SAP30BP: variants seen among roughly 807,000 people sequenced by gnomAD.
SAP30BP encodes SAP30-binding protein.
Under a neutral mutation model 46.3 loss-of-function variants are expected in SAP30BP, and 31 were observed. The ratio of observed to expected loss-of-function variants is 0.67; its 90% confidence interval spans 0.50 to 0.90. The LOEUF is 0.90. Among genes scored for constraint, SAP30BP ranks in the 40% least tolerant of loss-of-function variants. The pLI, the probability that SAP30BP is intolerant of heterozygous loss-of-function variation, is 0.00. For missense variants in SAP30BP, 312 were observed against 391.0 expected (o/e 0.80, Z 1.70); for synonymous variants, 169 against 144.2 (o/e 1.17, Z -1.23).
chr17:75,702,410 C>G, intron 5 of SAP30BP, 70 bp from the exon 6 acceptor site: 1 of 639,804 alleles, frequency 1.6e-6, no homozygotes, highest in Non-Finnish European at 2.8e-6. Context: ...AGCTGGTGAC[C>G]AGGGGCTGGG....
chr17:75,688,557 C>T (rs981967942), intron 3 of SAP30BP, among the ~76,000 whole-genome samples: 4 of 151,972 alleles, frequency 2.6e-5, no homozygotes, highest in Non-Finnish European at 4.4e-5. Context: ...TAGATGCTGG[C>T]GGCTGCCTTT....
At chr17:75,705,726 G>T in intron 9 of SAP30BP, 1 of 1,204,942 alleles carries the variant, frequency 8.3e-7, no homozygotes, top group Non-Finnish European at 1.1e-6. Flanking sequence ...AACGGTTCTG[G>T]GCATGTGAGG....
At chr17:75,700,516 C>T (rs77813398) in intron 5 of SAP30BP, among the ~76,000 whole-genome samples, 3,695 of 152,274 alleles carry the variant, frequency 0.024, 57 homozygotes, top group Middle Eastern at 0.037. Context: ...TCCTGGACCA[C>T]CTGCTTCACC....
chr17:75,682,034 C>CT lies in SAP30BP; in HGVS notation c.264+10180dup, dbSNP rs934836700. 8.0e-5 allele frequency among the ~76,000 whole-genome samples: 12 copies of CT among 150,224 alleles called. 1 individual carries two copies. In the South Asian group the frequency reaches 1.1e-3, roughly 13 times the overall value. ...TGAGCTCTCAGAGCTTAAGCTTGGA[C>CT]TTTTTTTTTAATGGACAGAGTTATT... is the stretch of plus-strand genomic sequence containing the variant. On this transcript the variant is annotated intron_variant, in intron 3 of 10. Transcript: ENST00000584667.
chr17:75,698,716 A>C (rs1314332766), intron 4 of SAP30BP, among the ~76,000 whole-genome samples: 5 of 152,100 alleles, frequency 3.3e-5, no homozygotes, highest in Admixed American at 3.3e-4. Context: ...TATTGTGTAC[A>C]TCTCTTCCCA....
intron 4 of SAP30BP, among the ~76,000 whole-genome samples, chr17:75,694,045 CT>C (rs879539873): frequency 6.6e-6 from 1 of 152,160 alleles, no homozygotes; most frequent in Non-Finnish European, 1.5e-5. Flanking sequence ...CCCCCAGCTC[CT>C]TTCACGTGGC....
At chr17:75,677,432 C>CTTT (rs35570298) in intron 3 of SAP30BP, among the ~76,000 whole-genome samples, 4 of 118,302 alleles carry the variant, frequency 3.4e-5, no homozygotes, top group South Asian at 2.7e-4. Flanking sequence ...GTGAAACTGG[C>CTTT]TTTTTTTTTT....
chr17:75,680,842 C>G (rs1680370857), intron 3 of SAP30BP, among the ~76,000 whole-genome samples: 1 of 152,172 alleles, frequency 6.6e-6, no homozygotes, highest in South Asian at 2.1e-4. Context: ...TGAGACCAGC[C>G]TGGGCAACAT....
chr17:75,672,383 A>C (rs1435128335), intron 3 of SAP30BP, among the ~76,000 whole-genome samples: 1 of 152,214 alleles, frequency 6.6e-6, no homozygotes, highest in Non-Finnish European at 1.5e-5. Context: ...GCTGTACAGA[A>C]TGGTCTTTTT....
At chr17:75,694,832 C>T (rs777905176) in intron 4 of SAP30BP, among the ~76,000 whole-genome samples, 3 of 152,266 alleles carry the variant, frequency 2.0e-5, no homozygotes, top group Non-Finnish European at 4.4e-5. Flanking sequence ...TCAGCCATCT[C>T]AGCCCCCAGT....
At chr17:75,700,781 G>A (rs926474745) in intron 5 of SAP30BP, among the ~76,000 whole-genome samples, 3 of 152,198 alleles carry the variant, frequency 2.0e-5, no homozygotes, top group Admixed American at 2.0e-4. Flanking sequence ...ACAAGCTCCA[G>A]CCTGTAAGGA....
At chr17:75,704,437 T>A (rs1011132036) in intron 8 of SAP30BP, among the ~76,000 whole-genome samples, 2 of 152,236 alleles carry the variant, frequency 1.3e-5, no homozygotes. Context: ...CAACATTTTA[T>A]ATAATCTCTG....
intron 3 of SAP30BP, among the ~76,000 whole-genome samples, chr17:75,674,690 G>GTTTTTTTTTTTTTTTTTTTTTTT (rs1287087489): frequency 1.0e-4 from 4 of 39,596 alleles, no homozygotes; most frequent in African/African-American, 2.0e-4. Context: ...TTTTTTGTTT[G>GTTTTTTTTTTTTTTTTTTTTTTT]TTTTTTGTTT....
At chr17:75,681,304 C>T (rs1390554853) in intron 3 of SAP30BP, among the ~76,000 whole-genome samples, 1 of 152,098 alleles carries the variant, frequency 6.6e-6, no homozygotes, top group African/African-American at 2.4e-5. Context: ...AGAGTGGGGG[C>T]CTTGACAAGT....
intron 5 of SAP30BP, 32 bp downstream of exon 5, chr17:75,699,903 T>C (rs552980924): frequency 6.8e-7 from 1 of 1,466,552 alleles, no homozygotes; most frequent in South Asian, 1.1e-5. Flanking sequence ...TGAGGTCGGA[T>C]AGATTAGATA....
At chr17:75,671,622 G>GT (rs747560547) in intron 2 of SAP30BP, among the ~76,000 whole-genome samples, 194 bp from the exon 3 acceptor site, 150 of 151,632 alleles carry the variant, frequency 9.9e-4, no homozygotes, top group Middle Eastern at 6.8e-3. Flanking sequence ...TTTGTTTTTT[G>GT]TTTTTTTCCC....
At chr17:75,694,108 G>A (rs775819478) in intron 4 of SAP30BP, among the ~76,000 whole-genome samples, 45 of 152,138 alleles carry the variant, frequency 3.0e-4, no homozygotes, top group Non-Finnish European at 5.1e-4. Context: ...AGAGCTCTTG[G>A]TGGGGTTGGC....
intron 3 of SAP30BP, among the ~76,000 whole-genome samples, chr17:75,691,197 C>CT (rs1452897689): frequency 6.6e-6 from 1 of 152,036 alleles, no homozygotes. Context: ...ATGCCATGCC[C>CT]TTTTTTTGTA....
intron 3 of SAP30BP, among the ~76,000 whole-genome samples, chr17:75,686,893 C>G (rs1190639292): frequency 9.9e-5 from 15 of 152,232 alleles, no homozygotes; most frequent in African/African-American, 3.6e-4. Flanking sequence ...CTCTGTCAAA[C>G]CAACATCATT....
Sources: gnomAD v4.1 joint callset for allele counts (sites outside exome capture counted in the v4.1 genomes callset) on GRCh38, gnomAD v4.1.1 for gene constraint, MANE v1.5 for transcripts, NCBI Gene and HGNC (gene_info 2026-07-23, HGNC 2026-07-21) for gene names.